Variants in MCTP1 observed in about 807,000 individuals in gnomAD.
MCTP1 encodes the protein multiple C2 and transmembrane domain-containing protein 1.
Under a neutral mutation model 120.6 loss-of-function variants are expected in MCTP1, and 69 were observed. The ratio of observed to expected loss-of-function variants is 0.57; its 90% CI spans 0.47 to 0.70. The LOEUF is 0.70. Ranked by LOEUF, MCTP1 falls within the 30% of genes least tolerant of loss-of-function variation. The probability of loss-of-function intolerance (pLI) is 0.00; values close to 1 mark genes in which losing one functional copy is unlikely to be tolerated. For missense variants in MCTP1, 1,203 were observed against 1,248.8 expected, an observed-to-expected ratio of 0.96 and a Z score of 0.55; for synonymous variants, 529 against 493.1, an observed-to-expected ratio of 1.07 and a Z score of -0.96.
chr5:94,971,099 T>C (rs776339273), intron 2 of MCTP1, among the ~76,000 whole-genome samples: 35 of 152,132 alleles, frequency 2.3e-4, no homozygotes, highest in Non-Finnish European at 4.4e-4. Context: ...ACAAGAACTA[T>C]GATCTTAGAA....
At chr5:95,257,214 A>G (rs1465847882) in intron 1 of MCTP1, among the ~76,000 whole-genome samples, 3 of 152,204 alleles carry the variant, frequency 2.0e-5, no homozygotes, top group Non-Finnish European at 4.4e-5. Flanking sequence ...ACAGATGTTG[A>G]CAACAGTTTC....
chr5:95,006,558 T>C (rs1217949966), intron 2 of MCTP1, among the ~76,000 whole-genome samples: 5 of 152,276 alleles, frequency 3.3e-5, no homozygotes, highest in Admixed American at 6.5e-5. Flanking sequence ...CCACCAACTG[T>C]AGGAAATGCA....
At chr5:94,778,831 G>A (rs1303537373) in intron 19 of MCTP1, among the ~76,000 whole-genome samples, 6 of 152,124 alleles carry the variant, frequency 3.9e-5, no homozygotes, top group African/African-American at 1.4e-4. Flanking sequence ...CATCACTGCT[G>A]TTATCTTCAC....
intron 7 of MCTP1, among the ~76,000 whole-genome samples, chr5:94,919,516 A>G (rs1228354004): frequency 2.0e-5 from 3 of 152,216 alleles, no homozygotes; most frequent in African/African-American, 7.2e-5. Context: ...TAATCTTTCC[A>G]AATGAGACCC....
intron 19 of MCTP1, among the ~76,000 whole-genome samples, chr5:94,718,737 G>A (rs1313070565): frequency 6.6e-6 from 1 of 151,814 alleles, no homozygotes; most frequent in Non-Finnish European, 1.5e-5. Context: ...TATTTTTTTT[G>A]ACATGAAGTT....
At chr5:95,203,145 T>C (rs17426936) in intron 1 of MCTP1, among the ~76,000 whole-genome samples, 5,959 of 152,358 alleles carry the variant, frequency 0.039, 139 homozygotes, top group Middle Eastern at 0.051. Context: ...TTCACCTGAC[T>C]GAACAATAAT....
intron 19 of MCTP1, among the ~76,000 whole-genome samples, chr5:94,717,396 C>G (rs1759739844): frequency 6.6e-6 from 1 of 152,078 alleles, no homozygotes; most frequent in Admixed American, 6.5e-5. Context: ...CCATTTATGA[C>G]AAACCCACAG....
At chr5:94,958,351 T>C (rs149803897) in intron 2 of MCTP1, among the ~76,000 whole-genome samples, 2,302 of 151,968 alleles carry the variant, frequency 0.015, 61 homozygotes, top group African/African-American at 0.053. Flanking sequence ...ACATCACAAT[T>C]AAGAGAACTA....
intron 19 of MCTP1, among the ~76,000 whole-genome samples, chr5:94,742,361 G>T (rs1191350001): frequency 6.6e-6 from 1 of 152,106 alleles, no homozygotes; most frequent in Non-Finnish European, 1.5e-5. Context: ...GGCCAAGAAT[G>T]TATATCTTTT....
At chr5:95,012,313 T>C (rs1256291877) in intron 2 of MCTP1, among the ~76,000 whole-genome samples, 2 of 152,194 alleles carry the variant, frequency 1.3e-5, no homozygotes, top group East Asian at 3.9e-4. Context: ...TATTTACTAA[T>C]TTGCTTGTTC....
chr5:95,195,912 A>G (rs991620981), intron 1 of MCTP1, among the ~76,000 whole-genome samples: 6 of 152,212 alleles, frequency 3.9e-5, no homozygotes, highest in African/African-American at 1.4e-4. Context: ...TATTTTATTA[A>G]GCACACATTC....
At chr5:94,959,824 C>T (rs919891766) in intron 2 of MCTP1, among the ~76,000 whole-genome samples, 1 of 152,096 alleles carries the variant, frequency 6.6e-6, no homozygotes, top group Admixed American at 6.5e-5. Context: ...GAATCAATAT[C>T]GTGAAAATGG....
At chr5:95,234,083 A>C (rs1052721297) in intron 1 of MCTP1, among the ~76,000 whole-genome samples, 2 of 152,136 alleles carry the variant, frequency 1.3e-5, no homozygotes, top group Admixed American at 1.3e-4. Context: ...CTTCCAAGGA[A>C]AGAATATTTT....
chr5:94,983,801 C>T (rs905915672), intron 2 of MCTP1, among the ~76,000 whole-genome samples: 3 of 152,176 alleles, frequency 2.0e-5, no homozygotes, highest in East Asian at 1.9e-4. Context: ...TTATGCCTTC[C>T]GACCTATAGC....
intron 12 of MCTP1, among the ~76,000 whole-genome samples, chr5:94,874,899 C>T (rs1798516040): frequency 1.3e-5 from 2 of 152,212 alleles, no homozygotes; most frequent in East Asian, 1.9e-4. Context: ...TCAATATAAG[C>T]GTGCCACATC....
chr5:95,078,681 T>C (rs1399130252), intron 1 of MCTP1, among the ~76,000 whole-genome samples: 1 of 152,182 alleles, frequency 6.6e-6, no homozygotes. Flanking sequence ...CAAAGGATTC[T>C]AACAGAAGGT....
chr5:94,740,737 A>AC (rs1765341911), intron 19 of MCTP1, among the ~76,000 whole-genome samples: 1 of 152,216 alleles, frequency 6.6e-6, no homozygotes, highest in Admixed American at 6.5e-5. Context: ...TGCAGAGTAT[A>AC]GCAGGCCAGG....
intron 19 of MCTP1, among the ~76,000 whole-genome samples, chr5:94,748,700 T>C (rs886579179): frequency 1.3e-5 from 2 of 152,224 alleles, no homozygotes; most frequent in Non-Finnish European, 2.9e-5. Flanking sequence ...GCACTCTAAG[T>C]TTCTCGATTG....
chr5:95,215,661 T>C (rs1752963278), intron 1 of MCTP1, among the ~76,000 whole-genome samples: 1 of 152,170 alleles, frequency 6.6e-6, no homozygotes, highest in South Asian at 2.1e-4. Flanking sequence ...TTCTCTCCTT[T>C]TTTCTGCCTG....
Sources: allele counts gnomAD v4.1 joint callset (sites outside exome capture counted in the v4.1 genomes callset), GRCh38; gene constraint gnomAD v4.1.1; transcripts MANE v1.5; gene names NCBI Gene and HGNC (gene_info 2026-07-23, HGNC 2026-07-21).